MICAL3: variants seen among roughly 807,000 people sequenced by gnomAD.
MICAL3 encodes [F-actin]-monooxygenase MICAL3.
MICAL3 carries 62 observed loss-of-function variants against 207.4 expected under a neutral mutation model. The observed-to-expected ratio is 0.30, with a 90% CI of 0.24 to 0.37. The LOEUF (loss-of-function observed/expected upper bound fraction) is 0.37. Among genes scored for constraint, MICAL3 ranks in the 10% least tolerant of loss-of-function variants. The probability of loss-of-function intolerance (pLI) is 1.00; values close to 1 mark genes in which losing one functional copy is unlikely to be tolerated. For synonymous variants in MICAL3, 1,077 were observed against 1,069.3 expected (o/e 1.01, Z -0.14); for missense variants, 2,368 against 2,635.6 (o/e 0.90, Z 2.22).
chr22:17,889,215 C>T lies in MICAL3; in HGVS notation c.1710G>A (p.Leu570=), dbSNP rs374302776. ...TATTCTTCTCCACATTTTGCTCATC[C>T]AAAGAATCAAAATCTCTGAGAAACA... The part of the protein sequence containing the change: ...YRPDLIDFDS[L]DEQNVEKNNQ... The change falls in exon 13 of 32, where the codon TTG becomes TTA. Residue 570 remains leucine, a synonymous_variant. Transcript: ENST00000441493. 1.9e-5 allele frequency: 31 copies of T among 1,611,134 alleles called. No homozygotes were observed. In the African/African-American group the frequency reaches 2.9e-4, roughly 15 times the overall value.
At chr22:17,999,255 A>G (rs953128979) in intron 1 of MICAL3, among the ~76,000 whole-genome samples, 1 of 152,224 alleles carries the variant, frequency 6.6e-6, no homozygotes, top group East Asian at 1.9e-4. Flanking sequence ...CCACTCTTCC[A>G]GGGCATGTGC....
intron 29 of MICAL3, chr22:17,803,876 C>G: frequency 1.0e-6 from 1 of 984,136 alleles, no homozygotes; most frequent in Non-Finnish European, 1.2e-6. Flanking sequence ...AACAAGGAAT[C>G]GGTGAAGAGA....
chr22:17,795,208 A>T (rs1353398688), intron 29 of MICAL3, among the ~76,000 whole-genome samples: 1 of 152,242 alleles, frequency 6.6e-6, no homozygotes, highest in Non-Finnish European at 1.5e-5. Context: ...GGCCGAATGC[A>T]TGGGTACGAG....
At chr22:17,807,275 G>A (rs1054016025) in intron 29 of MICAL3, among the ~76,000 whole-genome samples, 1 of 152,236 alleles carries the variant, frequency 6.6e-6, no homozygotes, top group Non-Finnish European at 1.5e-5. Flanking sequence ...CAGGTGGGCT[G>A]GGGCCAACTC....
At chr22:17,980,838 G>C (rs757601612) in intron 1 of MICAL3, 1 of 513,272 alleles carries the variant, frequency 1.9e-6, no homozygotes, top group Non-Finnish European at 4.1e-6. Flanking sequence ...CGGCTGTGCT[G>C]GCCCGTCACC....
chr22:17,869,438 G>A (rs968576719), intron 17 of MICAL3, among the ~76,000 whole-genome samples: 8 of 152,138 alleles, frequency 5.3e-5, no homozygotes, highest in Non-Finnish European at 1.0e-4. Context: ...CACACCACCT[G>A]TGGAGGTAGC....
rs748008873 is a variant in MICAL3, at chr22:17,864,633, GC to G, written c.2605+265del. The stretch of plus-strand genomic sequence containing the variant: ...CTGAGGGACAGCACTTCACGGCTCT[GC>G]CGCCCACCGGACGGCCCCATCACTG... On this transcript the variant is annotated intron_variant, in intron 19 of 31. Coordinates refer to ENST00000441493, the MANE Select transcript of MICAL3 (RefSeq NM_015241.3). 3.2e-6 allele frequency: 5 copies of G among 1,574,792 alleles called. No individual in the cohort carries two copies. The African/African-American group carries it at 4.1e-5, about 13-fold the overall frequency.
At chr22:18,000,004 G>C (rs1223005571) in intron 1 of MICAL3, among the ~76,000 whole-genome samples, 1 of 152,202 alleles carries the variant, frequency 6.6e-6, no homozygotes, top group African/African-American at 2.4e-5. Flanking sequence ...GTGCTCACGG[G>C]AGAAGGTAAC....
At chr22:17,810,945 C>T (rs1348445274) in intron 27 of MICAL3, 132 bp from the exon 28 acceptor site, 11 of 683,772 alleles carry the variant, frequency 1.6e-5, no homozygotes, top group Non-Finnish European at 2.9e-5. Context: ...ATAGGACAAG[C>T]TGTCCTCTGT....
intron 19 of MICAL3, chr22:17,861,444 G>A (rs1261063239): frequency 9.1e-6 from 9 of 985,288 alleles, no homozygotes; most frequent in Admixed American, 6.1e-5. Context: ...ATGAGCACTC[G>A]GGGAAAAAGC....
intron 1 of MICAL3, chr22:18,005,630 G>A (rs1471343261): frequency 6.6e-6 from 1 of 152,162 alleles, no homozygotes; most frequent in Non-Finnish European, 1.5e-5. Context: ...CTTTATACTG[G>A]TTTGTTGTTT....
Position 17,817,432 on chromosome 22 carries a change from G to A in MICAL3, c.5229C>T (p.Val1743=). 6.2e-7 allele frequency: 1 copy of A among 1,613,730 alleles called. No homozygotes were observed. Among genetic ancestry groups the A allele is most frequent in the South Asian group, 1.1e-5 (1 of 91,076 alleles). Residue 1743 remains valine (V), a synonymous_variant, in exon 26 of 32, where the codon GTC becomes GTT. Transcript: ENST00000441493. ...TCTTGTCCTTCTTGTACCCGGAGAA[G>A]ACGGACTTCCACAGGGACTTGGGTT... ...AAKPKSLWKS[V]FSGYKKDKKK...
chr22:17,904,438 T>A (rs1447985454), intron 3 of MICAL3, among the ~76,000 whole-genome samples, 194 bp downstream of exon 3: 1 of 151,994 alleles, frequency 6.6e-6, no homozygotes, highest in Non-Finnish European at 1.5e-5. Flanking sequence ...CATTTAAGAG[T>A]CCTAAATTAT....
intron 16 of MICAL3, among the ~76,000 whole-genome samples, chr22:17,878,802 C>T (rs1321264452): frequency 1.3e-5 from 2 of 152,168 alleles, no homozygotes; most frequent in Admixed American, 6.5e-5. Flanking sequence ...TCAGAAAAGA[C>T]TAAAGCTTTC....
chr22:17,940,030 C>T (rs1327661405), intron 1 of MICAL3, among the ~76,000 whole-genome samples: 1 of 152,206 alleles, frequency 6.6e-6, no homozygotes, highest in Non-Finnish European at 1.5e-5. Flanking sequence ...ACTCCTAGGC[C>T]AGCCAGAACA....
intron 19 of MICAL3, chr22:17,861,401 CCCGT>C (rs1926501053): frequency 1.0e-6 from 1 of 985,338 alleles, no homozygotes; most frequent in South Asian, 4.7e-5. Flanking sequence ...CGTGCTTCTC[CCCGT>C]CCATCTCTGG....
intron 1 of MICAL3, among the ~76,000 whole-genome samples, chr22:17,959,696 G>A (rs1934805425): frequency 2.6e-5 from 4 of 152,174 alleles, no homozygotes; most frequent in Non-Finnish European, 5.9e-5. Context: ...TGTGGAAAAT[G>A]GTGGGGTTGA....
At chr22:17,888,885 T>G (rs1930156004) in intron 13 of MICAL3, 149 bp downstream of exon 13, 1 of 566,176 alleles carries the variant, frequency 1.8e-6, no homozygotes, top group Non-Finnish European at 3.2e-6. Context: ...GAAGCAAAGC[T>G]CCAGAGATTT....
At position 17,902,789 on chromosome 22, in the gene MICAL3, A is replaced by G. The variant is rs560667891; in HGVS notation, c.473-42T>C. 5.5e-6 allele frequency: 7 copies of G among 1,261,514 alleles called. No homozygotes were observed. The Admixed American group carries it at 1.4e-4, about 25-fold the overall frequency. 78.1% of individuals were successfully genotyped at this position (1,261,514 alleles called of 1,614,324 possible). A position where few individuals can be genotyped will look rare whatever the true frequency, so the allele number is the denominator to read the frequency against. On this transcript the variant is annotated intron_variant, in intron 3 of 31. Coordinates refer to ENST00000441493, the MANE Select transcript of MICAL3 (RefSeq NM_015241.3). The surrounding 1 kb of genome is among the most constrained non-coding windows in gnomAD (Gnocchi z 4.5). ...ATGACGTTGATGGGAACACATGGAG[A>G]AGGGGGTACCCATCCGTGTCGCAGC...
Sources: allele counts gnomAD v4.1 joint callset (sites outside exome capture counted in the v4.1 genomes callset), GRCh38; gene constraint gnomAD v4.1.1; non-coding constraint Gnocchi (gnomAD v3.1); transcripts MANE v1.5; gene names NCBI Gene and HGNC (gene_info 2026-07-23, HGNC 2026-07-21).